Variants in TTLL11 observed in about 807,000 individuals in gnomAD.
The protein encoded by TTLL11 is tubulin polyglutamylase TTLL11.
In TTLL11, 42 loss-of-function variants were observed where a neutral mutation model predicts 51.7. The ratio of observed to expected loss-of-function variants is 0.81; its 90% CI spans 0.64 to 1.05. The LOEUF (loss-of-function observed/expected upper bound fraction) is 1.05. TTLL11 is among the 50% of genes least tolerant of loss of function. The pLI is 0.00. For missense variants in TTLL11, 799 were observed against 940.4 expected (o/e 0.85, Z 1.97); for synonymous variants, 381 against 383.5 (o/e 0.99, Z 0.08).
chr9:121,988,127 A>C (rs1842984977), intron 4 of TTLL11, among the ~76,000 whole-genome samples: 1 of 151,868 alleles, frequency 6.6e-6, no homozygotes, highest in Non-Finnish European at 1.5e-5. Context: ...CACCAAGCTG[A>C]GCCCTTCTTG....
rs182617270 is a variant in TTLL11, at chr9:122,082,169, G to A, written c.462+10518C>T. Reference sequence around the variant, plus strand: ...ATGCCCTTTCACCCAACAATCCTAGGAATTTATTCTACAGAAGTATTTGCA... The same window carrying A: ...ATGCCCTTTCACCCAACAATCCTAGAAATTTATTCTACAGAAGTATTTGCA... On this transcript the variant is annotated intron_variant, in intron 1 of 8. Transcript: ENST00000321582. Among the ~76,000 whole-genome samples, 44 of 152,244 alleles carry A rather than the reference G, an allele frequency of 2.9e-4. No homozygotes were observed. The East Asian group carries it at 6.2e-3, about 21-fold the overall frequency.
intron 6 of TTLL11, among the ~76,000 whole-genome samples, chr9:121,877,255 T>C (rs1002723238): frequency 2.0e-5 from 3 of 152,180 alleles, no homozygotes; most frequent in African/African-American, 7.2e-5. Context: ...TCCCTTAAAT[T>C]AGCCCTGCAG....
chr9:122,030,256 C>G (rs1171997817), intron 3 of TTLL11, among the ~76,000 whole-genome samples: 1 of 144,502 alleles, frequency 6.9e-6, no homozygotes, highest in Admixed American at 7.2e-5. Flanking sequence ...TTAAAATTAA[C>G]TTTATTGAAG....
At chr9:122,087,576 C>T (rs370067139) in intron 1 of TTLL11, among the ~76,000 whole-genome samples, 3 of 152,256 alleles carry the variant, frequency 2.0e-5, no homozygotes, top group East Asian at 1.9e-4. Context: ...ACAAAGGTCC[C>T]GCTATGAAAT....
At chr9:121,884,996 G>C (rs546461854) in intron 6 of TTLL11, 82 of 152,282 alleles carry the variant, frequency 5.4e-4, no homozygotes, top group African/African-American at 1.9e-3. Context: ...TCTGTTTTCT[G>C]TTTTCTAGTT....
rs1846311759 is a variant in TTLL11, at chr9:122,093,052, T to TGGCCTC, written c.91_96dup (p.Glu31_Ala32dup). 2.1e-6 allele frequency: 3 copies of TGGCCTC among 1,463,016 alleles called. No individual in the cohort carries two copies. Among genetic ancestry groups the TGGCCTC allele is most frequent in the Non-Finnish European group, 2.7e-6 (3 of 1,111,088 alleles). The allele number at this position is 1,463,016 out of a possible 1,614,324, so 90.6% of individuals were successfully genotyped here. ...ACCTGTTCCGCCACCGTCTCCGCTGTGGCCTCGGCCTCAGCTTTGGCCGCC... is the reference window on the plus strand; with the variant it reads ...ACCTGTTCCGCCACCGTCTCCGCTGTGGCCTCGGCCTCGGCCTCAGCTTTGGCCGCC... On this transcript the variant is annotated inframe_insertion, in exon 1 of 9. Transcript: ENST00000321582.
rs201418083 is a variant in TTLL11, at chr9:122,080,111, A to AT, written c.462+12575dup. ...GCATAATGGCCACACCAAAATAGCC[A>AT]TATCAAAATGCCCCACTTTGAACTA... On this transcript the variant is annotated intron_variant, in intron 1 of 8. Coordinates refer to ENST00000321582, the MANE Select transcript of TTLL11 (RefSeq NM_001139442.2). Among the ~76,000 whole-genome samples the AT allele has an allele frequency of 6.1e-3, 935 of 152,394 alleles. 4 individuals carry two copies. The highest frequency in any genetic ancestry group is 0.01 in the Middle Eastern group (3 of 294).
intron 7 of TTLL11, 100 bp downstream of exon 7, chr9:121,870,397 C>A: frequency 6.9e-7 from 1 of 1,441,448 alleles, no homozygotes; most frequent in Non-Finnish European, 9.2e-7. Flanking sequence ...CCCAGCACCA[C>A]AGATTCTCCC....
chr9:121,895,038 GCCTTTTTAGCCACGT>G (rs1017733162), intron 6 of TTLL11, among the ~76,000 whole-genome samples: 2 of 152,144 alleles, frequency 1.3e-5, no homozygotes, highest in Non-Finnish European at 2.9e-5. Flanking sequence ...ACTGATTAAA[GCCTTTTTAGCCACGT>G]CCTATGCTCG....
chr9:121,971,166 A>AG (rs1491521432), intron 6 of TTLL11, among the ~76,000 whole-genome samples: 1 of 7,316 alleles, frequency 1.4e-4, no homozygotes, highest in African/African-American at 3.5e-4. Flanking sequence ...GGAGGGAGGT[A>AG]GGGGGGTCAG....
chr9:121,964,859 A>G (rs1227363152), intron 6 of TTLL11, among the ~76,000 whole-genome samples: 1 of 152,106 alleles, frequency 6.6e-6, no homozygotes, highest in Non-Finnish European at 1.5e-5. Flanking sequence ...TCTTCCCATC[A>G]GGAAATAACC....
intron 3 of TTLL11, among the ~76,000 whole-genome samples, chr9:122,012,677 C>CAT (rs1491450603): frequency 3.4e-5 from 5 of 147,698 alleles, no homozygotes; most frequent in Admixed American, 2.7e-4. Context: ...CACACACACA[C>CAT]GCACACACAC....
chr9:121,975,695 G>A (rs1564336598), intron 4 of TTLL11, among the ~76,000 whole-genome samples: 2 of 152,126 alleles, frequency 1.3e-5, no homozygotes, highest in South Asian at 4.1e-4. Flanking sequence ...CTAGGTGACA[G>A]AATGAGACTG....
At chr9:122,044,512 T>C (rs978884083) in intron 1 of TTLL11, among the ~76,000 whole-genome samples, 1 of 152,198 alleles carries the variant, frequency 6.6e-6, no homozygotes, top group Non-Finnish European at 1.5e-5. Context: ...ACATCCTCTC[T>C]AGCACCGGTT....
intron 8 of TTLL11, among the ~76,000 whole-genome samples, chr9:121,828,340 T>C (rs564413674): frequency 6.6e-6 from 1 of 151,974 alleles, no homozygotes; most frequent in Non-Finnish European, 1.5e-5. Context: ...ACCTGGCTAA[T>C]TTTTTGTATT....
At chr9:122,089,833 G>A (rs772000310) in intron 1 of TTLL11, among the ~76,000 whole-genome samples, 11 of 152,100 alleles carry the variant, frequency 7.2e-5, no homozygotes, top group Non-Finnish European at 1.5e-4. Context: ...CTGTCACCCA[G>A]GCTGGTGTGC....
At chr9:122,026,809 C>T (rs1323597299) in intron 3 of TTLL11, among the ~76,000 whole-genome samples, 2 of 150,870 alleles carry the variant, frequency 1.3e-5, no homozygotes, top group Non-Finnish European at 2.9e-5. Flanking sequence ...ATCTTGACAT[C>T]ATGTACTTAG....
At chr9:121,943,542 G>T (rs1286444935) in intron 6 of TTLL11, among the ~76,000 whole-genome samples, 2 of 152,198 alleles carry the variant, frequency 1.3e-5, no homozygotes, top group African/African-American at 4.8e-5. Context: ...TCAGCAAAAT[G>T]ACAAACTGCT....
intron 6 of TTLL11, among the ~76,000 whole-genome samples, chr9:121,888,503 G>A (rs1357014216): frequency 6.6e-6 from 1 of 152,220 alleles, no homozygotes; most frequent in Non-Finnish European, 1.5e-5. Context: ...TTTGTAGACA[G>A]GGGCTGTGTC....
Sources: allele counts gnomAD v4.1 joint callset (sites outside exome capture counted in the v4.1 genomes callset), GRCh38; gene constraint gnomAD v4.1.1; transcripts MANE v1.5; gene names NCBI Gene and HGNC (gene_info 2026-07-23, HGNC 2026-07-21).